The following NRXN1 variants were observed in gnomAD, a reference collection of about 807,000 sequenced individuals.
NRXN1 encodes the protein neurexin 1, also known as neurexin-1.
NRXN1 carries 39 observed loss-of-function variants against 150.9 expected under a neutral mutation model. The observed-to-expected ratio is 0.26, with a 90% CI of 0.20 to 0.34. NRXN1 has a LOEUF of 0.34. Ranked by LOEUF, NRXN1 falls within the 10% of genes least tolerant of loss-of-function variation. The pLI is 1.00. For synonymous variants in NRXN1, 924 were observed against 757.0 expected, an observed-to-expected ratio of 1.22 and a Z score of -3.62; for missense variants, 1,815 against 1,949.9, an observed-to-expected ratio of 0.93 and a Z score of 1.30.
At chr2:50,254,003 C>T (rs2203970) in intron 17 of NRXN1, among the ~76,000 whole-genome samples, 86,901 of 151,734 alleles carry the variant, frequency 0.57, 25,556 homozygotes, top group African/African-American at 0.68. Context: ...CAGCTCCCCT[C>T]TGTATCTCTA....
intron 9 of NRXN1, among the ~76,000 whole-genome samples, chr2:50,549,553 G>A (rs748853949): frequency 3.9e-5 from 6 of 152,046 alleles, no homozygotes; most frequent in Non-Finnish European, 5.9e-5. Flanking sequence ...CTCATGCTTC[G>A]TTTATTTTCT....
chr2:51,000,405 G>A (rs1699878812), intron 2 of NRXN1, among the ~76,000 whole-genome samples: 1 of 151,646 alleles, frequency 6.6e-6, no homozygotes, highest in Non-Finnish European at 1.5e-5. Flanking sequence ...ATACAAACAG[G>A]GCTTCCACTA....
At chr2:50,279,210 T>C (rs2071077027) in intron 17 of NRXN1, among the ~76,000 whole-genome samples, 2 of 152,196 alleles carry the variant, frequency 1.3e-5, no homozygotes, top group South Asian at 2.1e-4. Context: ...TATCAGCTGA[T>C]ACAGTTATCT....
At chr2:50,250,951 T>C (rs1452284920) in intron 17 of NRXN1, among the ~76,000 whole-genome samples, 1 of 151,534 alleles carries the variant, frequency 6.6e-6, no homozygotes, top group African/African-American at 2.4e-5. Flanking sequence ...ACATATGGCA[T>C]ATGTAATAAA....
chr2:50,222,460 G>A (rs571650290), intron 18 of NRXN1, among the ~76,000 whole-genome samples: 1 of 152,108 alleles, frequency 6.6e-6, no homozygotes, highest in East Asian at 1.9e-4. Context: ...GCTGGTGGGA[G>A]TGTTCAACAG....
At chr2:50,622,813 C>A (rs1295546637) in intron 6 of NRXN1, among the ~76,000 whole-genome samples, 1 of 152,098 alleles carries the variant, frequency 6.6e-6, no homozygotes, top group Non-Finnish European at 1.5e-5. Flanking sequence ...GATATGTAAG[C>A]CCCTAAAGAA....
At chr2:49,986,772 A>C (rs1419715293) in intron 21 of NRXN1, among the ~76,000 whole-genome samples, 5 of 152,152 alleles carry the variant, frequency 3.3e-5, no homozygotes, top group Non-Finnish European at 7.4e-5. Flanking sequence ...CTTTTTGAAA[A>C]TATACATTAG....
rs1422793250 is a variant in NRXN1, at chr2:50,278,294, A to ATG, written c.3365-41325_3365-41324insCA. 7.1e-5 allele frequency among the ~76,000 whole-genome samples: 9 copies of ATG among 126,678 alleles called. No homozygotes were observed. The Admixed American group carries it at 8.3e-4, about 12-fold the overall frequency. 83.1% of individuals were successfully genotyped at this position (126,678 alleles called of 152,430 possible). ...TATGTATTATATATATAATACATAT[A>ATG]TAATATATATTTTATATATATATTA... On this transcript the variant is annotated intron_variant, in intron 17 of 22. Coordinates refer to ENST00000401669, the MANE Select transcript of NRXN1 (RefSeq NM_001330078.2).
intron 2 of NRXN1, chr2:50,979,239 C>A (rs778836948): frequency 7.7e-6 from 4 of 517,370 alleles, no homozygotes; most frequent in Non-Finnish European, 1.5e-5. Flanking sequence ...GACTAAGATT[C>A]TCCAGCTAAG....
At chr2:50,630,086 C>A (rs972523472) in intron 5 of NRXN1, among the ~76,000 whole-genome samples, 2 of 151,600 alleles carry the variant, frequency 1.3e-5, no homozygotes, top group African/African-American at 4.8e-5. Context: ...AAGAGTCTGC[C>A]ATGGGATTTC....
At chr2:50,361,426 G>GGGATATCA (rs1268652113) in intron 17 of NRXN1, among the ~76,000 whole-genome samples, 16 of 151,858 alleles carry the variant, frequency 1.1e-4, no homozygotes, top group Non-Finnish European at 1.5e-4. Flanking sequence ...AATGATAAAG[G>GGGATATCA]GGATATCACC....
In NRXN1 at chr2:50,347,219, C is replaced by G. The variant is rs1034910059; in HGVS notation, c.3365-110249G>C. On this transcript the variant is annotated intron_variant, in intron 17 of 22. Coordinates refer to ENST00000401669, the MANE Select transcript of NRXN1 (RefSeq NM_001330078.2). This position sits in a 1 kb window ranked among gnomAD's most constrained non-coding sequence, Gnocchi z 4.9. ...GAAAGGCAGCCCCGGGAACAGCAAGCGCGGAGCGGGTGGCTGCTCCCAGAT... is the reference window on the plus strand; with the variant it reads ...GAAAGGCAGCCCCGGGAACAGCAAGGGCGGAGCGGGTGGCTGCTCCCAGAT... 8 of 1,337,360 alleles carry G rather than the reference C, an allele frequency of 6.0e-6. No homozygotes were observed. The Admixed American group carries it at 1.6e-4, about 26-fold the overall frequency. The allele number at this position is 1,337,360 out of a possible 1,614,324, so 82.8% of individuals were successfully genotyped here. A position where few individuals can be genotyped will look rare whatever the true frequency, so the allele number is the denominator to read the frequency against.
At chr2:50,728,025 C>G (rs1013130895) in intron 5 of NRXN1, among the ~76,000 whole-genome samples, 1 of 152,154 alleles carries the variant, frequency 6.6e-6, no homozygotes, top group African/African-American at 2.4e-5. Flanking sequence ...GAAACAGAAT[C>G]TGTATCATTA....
intron 17 of NRXN1, chr2:50,417,371 C>T (rs1249160898): frequency 6.6e-6 from 1 of 152,068 alleles, no homozygotes; most frequent in Non-Finnish European, 1.5e-5. Context: ...AGCAGAGTAA[C>T]TTTTTGACTT....
chr2:50,159,311 A>C (rs993853459), intron 18 of NRXN1, among the ~76,000 whole-genome samples: 1 of 152,154 alleles, frequency 6.6e-6, no homozygotes, highest in Admixed American at 6.6e-5. Context: ...TGAAGTTTCA[A>C]AGCATATTGC....
At chr2:50,142,539 C>T (rs1268325794) in intron 18 of NRXN1, among the ~76,000 whole-genome samples, 2 of 151,756 alleles carry the variant, frequency 1.3e-5, no homozygotes, top group African/African-American at 4.8e-5. Flanking sequence ...TTGATCGTTA[C>T]ACATTCTATA....
At chr2:50,460,849 T>C (rs2088127466) in intron 17 of NRXN1, among the ~76,000 whole-genome samples, 2 of 151,964 alleles carry the variant, frequency 1.3e-5, no homozygotes, top group African/African-American at 2.4e-5. Context: ...TTAGAAAAAA[T>C]TCAAGGTTAA....
intron 19 of NRXN1, among the ~76,000 whole-genome samples, chr2:50,083,094 A>G (rs1372811454): frequency 2.0e-5 from 3 of 152,198 alleles, no homozygotes; most frequent in African/African-American, 7.2e-5. Flanking sequence ...TCTGTATGTT[A>G]GCTTCTACTA....
chr2:50,778,697 G>A (rs939480187), intron 5 of NRXN1, among the ~76,000 whole-genome samples: 1 of 152,180 alleles, frequency 6.6e-6, no homozygotes, highest in African/African-American at 2.4e-5. Context: ...TCAAAATTGA[G>A]AAGTCTAAGT....
Sources: gnomAD v4.1 joint callset for allele counts (sites outside exome capture counted in the v4.1 genomes callset) on GRCh38, gnomAD v4.1.1 for gene constraint, Gnocchi (gnomAD v3.1) non-coding constraint, MANE v1.5 for transcripts, NCBI Gene and HGNC (gene_info 2026-07-23, HGNC 2026-07-21) for gene names.